The following NHSL3 variants were observed in gnomAD, a reference collection of about 807,000 sequenced individuals.
NHSL3 encodes NHS-like protein 3.
chr1:32,758,938 GGAGA>G, the NHSL3 span, among the ~76,000 whole-genome samples: 5 of 152,180 alleles, frequency 3.3e-5, no homozygotes, highest in Non-Finnish European at 1.5e-5. Flanking sequence ...GTGTCACTAA[GGAGA>G]GATAGGGAGC....
At chr1:32,765,488 C>G in the NHSL3 span, 3 of 621,504 alleles carry the variant, frequency 4.8e-6, no homozygotes, top group Non-Finnish European at 8.1e-6. Context: ...TAATCATACT[C>G]TACTGGAGCA....
At chr1:32,765,534 TGTGCCCCTGCACCCCATTTAAGGG>T in the NHSL3 span, 2 of 1,207,842 alleles carry the variant, frequency 1.7e-6, no homozygotes, top group Non-Finnish European at 2.3e-6. Context: ...GTTGCCTTTC[TGTGCCCCTGCACCCCATTTAAGGG>T]GTGGGGTCGG....
At chr1:32,746,416 A>G in the NHSL3 span, among the ~76,000 whole-genome samples, 1 of 152,112 alleles carries the variant, frequency 6.6e-6, no homozygotes, top group South Asian at 2.1e-4. Context: ...GCGAGCGCCT[A>G]TGGAAGGAGG....
chr1:32,765,761 C>T, the NHSL3 span: 3 of 1,547,558 alleles, frequency 1.9e-6, no homozygotes, highest in Non-Finnish European at 1.7e-6. Context: ...TCGAGTGGCG[C>T]CCGCAGTCAT....
the NHSL3 span, among the ~76,000 whole-genome samples, chr1:32,746,745 C>G: frequency 6.6e-6 from 1 of 152,132 alleles, no homozygotes; most frequent in South Asian, 2.1e-4. Context: ...ATCACAATGA[C>G]GGAGCCACTC....
At chr1:32,759,860 G>A in the NHSL3 span, among the ~76,000 whole-genome samples, 1 of 152,138 alleles carries the variant, frequency 6.6e-6, no homozygotes, top group Non-Finnish European at 1.5e-5. Context: ...TGAGCCTCCT[G>A]GTGCTCATTT....
the NHSL3 span, among the ~76,000 whole-genome samples, chr1:32,762,888 C>T: frequency 2.0e-5 from 3 of 151,840 alleles, no homozygotes; most frequent in East Asian, 1.9e-4. Flanking sequence ...ACGCCCGGCC[C>T]GGTCTTGAAC....
At chr1:32,757,991 C>T in the NHSL3 span, among the ~76,000 whole-genome samples, 5 of 152,194 alleles carry the variant, frequency 3.3e-5, no homozygotes, top group South Asian at 1.0e-3. Context: ...AGCCTCCAAG[C>T]GCTTAGAGAG....
chr1:32,771,696 GCCAGCC>G, the NHSL3 span: 4 of 1,611,584 alleles, frequency 2.5e-6, no homozygotes, highest in Non-Finnish European at 3.4e-6. Flanking sequence ...CTCCAGCTCC[GCCAGCC>G]CCAGCTCCTG....
the NHSL3 span, chr1:32,771,386 C>A: frequency 7.2e-7 from 1 of 1,387,496 alleles, no homozygotes; most frequent in Non-Finnish European, 9.8e-7. Flanking sequence ...CCACCCCCAT[C>A]TTATCATCCA....
At chr1:32,772,186 C>T in the NHSL3 span, 11 of 1,613,308 alleles carry the variant, frequency 6.8e-6, no homozygotes, top group Non-Finnish European at 7.6e-6. Context: ...GGTGGCAGAA[C>T]TCCGGAGCAT....
the NHSL3 span, chr1:32,767,983 C>G: frequency 1.2e-6 from 2 of 1,611,736 alleles, no homozygotes; most frequent in Non-Finnish European, 1.7e-6. Context: ...ACTCCCCTCC[C>G]CTCTCCTCCC....
chr1:32,770,274 C>A, the NHSL3 span: 6 of 1,604,290 alleles, frequency 3.7e-6, no homozygotes, highest in Non-Finnish European at 3.4e-6. This position sits in a 1 kb window ranked among gnomAD's most constrained non-coding sequence, Gnocchi z 8.3. Context: ...CTACAGTGGA[C>A]GTGGTGGCCC....
the NHSL3 span, chr1:32,765,820 G>A: frequency 6.5e-7 from 1 of 1,545,586 alleles, no homozygotes; most frequent in Non-Finnish European, 8.7e-7. Context: ...GGCTGTTTAA[G>A]AAGAAGGGTG....
the NHSL3 span, among the ~76,000 whole-genome samples, chr1:32,761,855 G>A: frequency 6.6e-6 from 1 of 152,102 alleles, no homozygotes; most frequent in Non-Finnish European, 1.5e-5. Context: ...GAGTGGGGAA[G>A]GTAGGTGGTC....
At chr1:32,742,521 T>G in the NHSL3 span, among the ~76,000 whole-genome samples, 1 of 152,180 alleles carries the variant, frequency 6.6e-6, no homozygotes. Flanking sequence ...CTCTGCTGAG[T>G]CAGGGGGTCA....
chr1:32,750,631 C>A, the NHSL3 span, among the ~76,000 whole-genome samples: 1 of 151,998 alleles, frequency 6.6e-6, no homozygotes, highest in Non-Finnish European at 1.5e-5. Context: ...CCTCAGCCTC[C>A]CGAGTAGCTG....
the NHSL3 span, among the ~76,000 whole-genome samples, chr1:32,754,342 C>T: frequency 2.6e-5 from 4 of 151,616 alleles, no homozygotes; most frequent in Non-Finnish European, 5.9e-5. Context: ...GACACACGTA[C>T]ACGGTAATAC....
chr1:32,767,779 C>T, the NHSL3 span: 1 of 1,599,872 alleles, frequency 6.3e-7, no homozygotes, highest in Non-Finnish European at 8.5e-7. Context: ...CCTCCTCCCT[C>T]CTACTAGGCT....
Sources: gnomAD v4.1 joint callset for allele counts (sites outside exome capture counted in the v4.1 genomes callset) on GRCh38, gnomAD v4.1.1 for gene constraint, Gnocchi (gnomAD v3.1) non-coding constraint, MANE v1.5 for transcripts, NCBI Gene and HGNC (gene_info 2026-07-23, HGNC 2026-07-21) for gene names.